ZNF343: variants seen among roughly 807,000 people sequenced by gnomAD.
The protein encoded by ZNF343 is zinc finger protein 343.
ZNF343 carries 11 observed loss-of-function variants against 13.8 expected under a neutral mutation model. The ratio of observed to expected loss-of-function variants is 0.80; its 90% CI spans 0.50 to 1.32. The LOEUF is 1.32. ZNF343 is among the 40% of genes most tolerant of loss of function. The probability of loss-of-function intolerance (pLI) is 0.00; values close to 1 mark genes in which losing one functional copy is unlikely to be tolerated. For missense variants in ZNF343, 658 were observed against 714.2 expected, an observed-to-expected ratio of 0.92 and a Z score of 0.90; for synonymous variants, 248 against 260.0, an observed-to-expected ratio of 0.95 and a Z score of 0.44.
Position 2,498,680 on chromosome 20 carries a change from T to TTATAGGAATTATCTGCCAGGCCG in ZNF343, c.-150+1953_-150+1975dup, listed in dbSNP as rs1265433299. 1.5e-4 allele frequency among the ~76,000 whole-genome samples: 23 copies of TTATAGGAATTATCTGCCAGGCCG among 152,224 alleles called. 1 individual carries two copies. Among genetic ancestry groups the TTATAGGAATTATCTGCCAGGCCG allele is most frequent in the Non-Finnish European group, 2.9e-5 (2 of 68,042 alleles). ...CATATATTATGTGCCAGGCACTACC[T>TTATAGGAATTATCTGCCAGGCCG]TATAGGAATTATCTGCCAGGCCGTA... On this transcript the variant is annotated intron_variant, in intron 2 of 5. Transcript: ENST00000278772.
At position 2,483,165 on chromosome 20, in the gene ZNF343, T is replaced by C. The variant is rs1408178655; in HGVS notation, c.1796A>G (p.His599Arg). Residue 599 changes from histidine (H) to arginine (R), a missense_variant, in exon 6 of 6, where the codon CAC (histidine) becomes CGC (arginine). Coordinates refer to ENST00000278772, the MANE Select transcript of ZNF343 (RefSeq NM_024325.6). ...KSNLIRHQRT[H>R] ...TGCATACACAGGTTTCTCCCGTCAG[T>C]GTGTCCTCTGGTGTCTGATGAGATT... The C allele has an allele frequency of 6.2e-7, 1 of 1,604,520 alleles. No homozygotes were observed. The highest frequency in any genetic ancestry group is 2.2e-5 in the East Asian group (1 of 44,840).
intron 1 of ZNF343, 45 bp from the exon 2 acceptor site, chr20:2,500,787 C>T (rs1379131753): frequency 6.6e-6 from 1 of 152,176 alleles, no homozygotes; most frequent in Non-Finnish European, 1.5e-5. Flanking sequence ...TGTCTCCTAC[C>T]ACCCAGATAT....
chr20:2,520,127 G>A (rs980589576), intron 1 of ZNF343, among the ~76,000 whole-genome samples: 4 of 152,136 alleles, frequency 2.6e-5, no homozygotes, highest in African/African-American at 9.7e-5. Flanking sequence ...GAGTACTTTG[G>A]AGGATAATGA....
chr20:2,500,348 A>G (rs2085538970), intron 2 of ZNF343, among the ~76,000 whole-genome samples: 1 of 152,260 alleles, frequency 6.6e-6, no homozygotes, highest in South Asian at 2.1e-4. Context: ...ACAATGGCCC[A>G]ATAAATGCTA....
In ZNF343 at chr20:2,502,652, A is replaced by G. The variant is rs1403596198; in HGVS notation, c.-236-1910T>C. Among the ~76,000 whole-genome samples the G allele has an allele frequency of 4.6e-5, 7 of 152,326 alleles. No homozygotes were observed. In the East Asian group the frequency reaches 9.6e-4, roughly 21 times the overall value. On this transcript the variant is annotated intron_variant, in intron 1 of 5. Transcript: ENST00000278772. ...TACAAGCCAGAAGAGAGTGGGGGCC[A>G]ATATTCAACATTCTTAAAGAAAAGA...
At chr20:2,489,609 T>C (rs1460583147) in intron 5 of ZNF343, among the ~76,000 whole-genome samples, 2 of 152,176 alleles carry the variant, frequency 1.3e-5, no homozygotes, top group African/African-American at 2.4e-5. Flanking sequence ...ACTGCTCCTT[T>C]TGCTTGGATC....
chr20:2,514,732 A>G (rs553012034), intron 1 of ZNF343, among the ~76,000 whole-genome samples: 1 of 152,338 alleles, frequency 6.6e-6, no homozygotes, highest in East Asian at 1.9e-4. Context: ...CTGTAGTTCC[A>G]GCACTTTGGG....
chr20:2,509,710 C>T (rs1452330326), upstream of ZNF343, among the ~76,000 whole-genome samples: 2 of 152,162 alleles, frequency 1.3e-5, no homozygotes, highest in Admixed American at 1.3e-4. Flanking sequence ...ATTTTTAAAA[C>T]TGGGCTACGC....
rs1405956186 is a variant in ZNF343, at chr20:2,493,596, G to A, written c.119-19C>T. 1 of 1,606,874 alleles carries A rather than the reference G, an allele frequency of 6.2e-7. No individual in the cohort carries two copies. The highest frequency in any genetic ancestry group is 8.5e-7 in the Non-Finnish European group (1 of 1,174,914). ...GGCAAGCCTAGGGAAAGAAAAAGAAGCTATGAGAAACCAGACCCCCCCACC... is the reference window on the plus strand; with the variant it reads ...GGCAAGCCTAGGGAAAGAAAAAGAAACTATGAGAAACCAGACCCCCCCACC... On this transcript the variant is annotated intron_variant, in intron 3 of 5. Coordinates refer to ENST00000278772, the MANE Select transcript of ZNF343 (RefSeq NM_024325.6).
intron 5 of ZNF343, among the ~76,000 whole-genome samples, chr20:2,489,659 G>A (rs6083423): frequency 0.013 from 2,029 of 152,316 alleles, 10 homozygotes; most frequent in Non-Finnish European, 0.021. Context: ...AAGTAACCAA[G>A]AGGTAATGTG....
At chr20:2,504,252 C>T (rs1203728493) in intron 1 of ZNF343, among the ~76,000 whole-genome samples, 4 of 152,160 alleles carry the variant, frequency 2.6e-5, no homozygotes, top group Non-Finnish European at 5.9e-5. Flanking sequence ...CCTCCCAAGA[C>T]TAAACCAGGA....
intron 5 of ZNF343, among the ~76,000 whole-genome samples, chr20:2,486,050 A>G (rs749713355): frequency 2.0e-5 from 3 of 152,200 alleles, no homozygotes; most frequent in Non-Finnish European, 2.9e-5. Flanking sequence ...TTTTGCCTTG[A>G]TATTTTGACT....
At chr20:2,501,323 G>T (rs2085562323) in intron 1 of ZNF343, among the ~76,000 whole-genome samples, 1 of 152,186 alleles carries the variant, frequency 6.6e-6, no homozygotes, top group Non-Finnish European at 1.5e-5. Flanking sequence ...GCTCGAACTG[G>T]GTGAAGCCCA....
Position 2,483,353 on chromosome 20 carries a change from G to A in ZNF343, c.1608C>T (p.Leu536=). 1 of 1,612,490 alleles carries A rather than the reference G, an allele frequency of 6.2e-7. No homozygotes were observed. The highest frequency in any genetic ancestry group is 2.2e-5 in the East Asian group (1 of 44,760). ...CTGAGTGTGTCCTCTCATGTACAATGAGGGTTGACTTGTCACAAAAGCCTC... is the reference window on the plus strand; with the variant it reads ...CTGAGTGTGTCCTCTCATGTACAATAAGGGTTGACTTGTCACAAAAGCCTC... ...CGRGFCDKST[L]IVHERTHSGE... The change falls in exon 6 of 6, where the codon CTC becomes CTT. Residue 536 remains leucine (L), a synonymous_variant. Transcript: ENST00000278772.
intron 1 of ZNF343, among the ~76,000 whole-genome samples, chr20:2,506,707 ACAC>A (rs1437504923): frequency 2.0e-5 from 3 of 152,144 alleles, no homozygotes; most frequent in African/African-American, 7.2e-5. Flanking sequence ...AAAAAACCAA[ACAC>A]CACATGTTCT....
chr20:2,508,773 T>C lies in ZNF343; in HGVS notation c.-237+108A>G, dbSNP rs6049635. On this transcript the variant is annotated intron_variant, in intron 1 of 5. Coordinates refer to ENST00000278772, the MANE Select transcript of ZNF343 (RefSeq NM_024325.6). This position sits in a 1 kb window ranked among gnomAD's most constrained non-coding sequence, Gnocchi z 4.5. ...AATATCTCCAACCCGCACTCCCCATTGGCCACACTCTACCCCGCGTCCTAA... is the reference window on the plus strand; with the variant it reads ...AATATCTCCAACCCGCACTCCCCATCGGCCACACTCTACCCCGCGTCCTAA... The C allele has an allele frequency of 0.53, 80,738 of 152,146 alleles. 22,996 individuals are homozygous for C. The highest frequency in any genetic ancestry group is 0.74 in the African/African-American group (30,701 of 41,510). The allele number at this position is 152,146 out of a possible 1,614,324, so 9.4% of individuals were successfully genotyped here.
At position 2,484,544 on chromosome 20, in the gene ZNF343, A is replaced by C; in HGVS notation, c.417T>G (p.Asn139Lys). Residue 139 changes from asparagine (N) to lysine (K), a missense_variant, in exon 6 of 6, where the codon AAT becomes AAG. Asn to Lys is a moderately conservative substitution (Grantham distance 94). Coordinates refer to ENST00000278772, the MANE Select transcript of ZNF343 (RefSeq NM_024325.6). ...LQIFLGLCAE[N>K]HFHPGNSSPG... The stretch of plus-strand genomic sequence containing the variant: ...GGCTAGAATTCCCTGGATGGAAGTG[A>C]TTTTCTGCACATAAGCCCAGGAAGA... The C allele has an allele frequency of 1.2e-6, 2 of 1,614,170 alleles. No homozygotes were observed. The highest frequency in any genetic ancestry group is 1.7e-6 in the Non-Finnish European group (2 of 1,180,034).
intron 1 of ZNF343, among the ~76,000 whole-genome samples, chr20:2,517,274 T>C (rs1432739918): frequency 1.3e-5 from 2 of 152,146 alleles, no homozygotes; most frequent in African/African-American, 4.8e-5. Context: ...TGTATGTGTT[T>C]ATGTATTTGT....
At chr20:2,520,644 T>G (rs2085778273) in intron 1 of ZNF343, among the ~76,000 whole-genome samples, 1 of 152,190 alleles carries the variant, frequency 6.6e-6, no homozygotes, top group South Asian at 2.1e-4. Flanking sequence ...TAACTCATCT[T>G]AAAGAGGAGA....
Sources: allele counts gnomAD v4.1 joint callset (sites outside exome capture counted in the v4.1 genomes callset), GRCh38; gene constraint gnomAD v4.1.1; non-coding constraint Gnocchi (gnomAD v3.1); transcripts MANE v1.5; gene names NCBI Gene and HGNC (gene_info 2026-07-23, HGNC 2026-07-21).